SNX29: variants seen among roughly 807,000 people sequenced by gnomAD.
SNX29 encodes sorting nexin-29.
In SNX29, 78 loss-of-function variants were observed where a neutral mutation model predicts 102.1. That is an observed-to-expected ratio of 0.76 (90% CI 0.64 to 0.92). The LOEUF is 0.92. Among genes scored for constraint, SNX29 ranks in the 40% least tolerant of loss-of-function variants. SNX29 has a pLI of 0.00. For synonymous variants in SNX29, 580 were observed against 414.5 expected (o/e 1.40, Z -4.85); for missense variants, 1,280 against 1,061.7 (o/e 1.21, Z -2.86).
At position 12,191,261 on chromosome 16, in the gene SNX29, C is replaced by T. The variant is rs577298215; in HGVS notation, c.1596-8340C>T. On this transcript the variant is annotated intron_variant, in intron 13 of 20. Coordinates refer to ENST00000566228, the MANE Select transcript of SNX29 (RefSeq NM_032167.5). ...CTTGCTCACCGCTCACTCACCGCTC[C>T]ATCACCTCCTGCTGTGCGGCTTGGT... Among the ~76,000 whole-genome samples the T allele has an allele frequency of 1.6e-4, 25 of 152,268 alleles. No individual in the cohort carries two copies. The South Asian group carries it at 2.9e-3, about 18-fold the overall frequency.
At chr16:12,220,352 C>G (rs2077444742) in intron 14 of SNX29, among the ~76,000 whole-genome samples, 1 of 151,720 alleles carries the variant, frequency 6.6e-6, no homozygotes, top group Non-Finnish European at 1.5e-5. Context: ...GGGAGAGCAA[C>G]AGATTCACAG....
At position 12,146,035 on chromosome 16, in the gene SNX29, C is replaced by T. The variant is rs182355489; in HGVS notation, c.1595+16277C>T. On this transcript the variant is annotated intron_variant, in intron 13 of 20. Coordinates refer to ENST00000566228, the MANE Select transcript of SNX29 (RefSeq NM_032167.5). ...TCCAAGAAAGCGGCCTCTCTTTTAC[C>T]CCTACAGCGGTGAGTGAGAGAGCCT... is the stretch of plus-strand genomic sequence containing the variant. 3.9e-5 allele frequency among the ~76,000 whole-genome samples: 6 copies of T among 152,294 alleles called. 1 individual carries two copies. The highest frequency in any genetic ancestry group is 4.1e-4 in the South Asian group (2 of 4,824).
In SNX29 at chr16:12,485,307, T is replaced by C. The variant is rs570843114; in HGVS notation, c.2178+7448T>C. On this transcript the variant is annotated intron_variant, in intron 19 of 20. Coordinates refer to ENST00000566228, the MANE Select transcript of SNX29 (RefSeq NM_032167.5). Reference sequence around the variant, plus strand: ...GCTTAGGTAAAGGACTCGTTTTTGATGATGTTACTAAAGTCTGCATTATGG... The same window carrying C: ...GCTTAGGTAAAGGACTCGTTTTTGACGATGTTACTAAAGTCTGCATTATGG... 5.9e-4 allele frequency among the ~76,000 whole-genome samples: 90 copies of C among 152,154 alleles called. 5 individuals are homozygous for C. The highest frequency in any genetic ancestry group is 1.0e-4 in the Non-Finnish European group (7 of 68,020).
At chr16:12,368,294 G>A (rs191169796) in intron 16 of SNX29, among the ~76,000 whole-genome samples, 115 of 152,330 alleles carry the variant, frequency 7.5e-4, no homozygotes, top group Non-Finnish European at 1.5e-3. Context: ...GCTGGCAAAT[G>A]CAGTGTATGC....
chr16:12,354,626 T>C (rs2082079807), intron 15 of SNX29, among the ~76,000 whole-genome samples: 1 of 152,322 alleles, frequency 6.6e-6, no homozygotes, highest in Admixed American at 6.5e-5. Context: ...AGCAGTAATA[T>C]CGGCAGCTGT....
intron 20 of SNX29, among the ~76,000 whole-genome samples, chr16:12,547,428 C>G (rs1267650775): frequency 6.6e-6 from 1 of 152,026 alleles, no homozygotes; most frequent in African/African-American, 2.4e-5. Context: ...TGTGGGCACC[C>G]CGGGGAGAGG....
chr16:12,282,436 G>A (rs2079464861), intron 15 of SNX29, among the ~76,000 whole-genome samples: 1 of 152,200 alleles, frequency 6.6e-6, no homozygotes, highest in Non-Finnish European at 1.5e-5. Flanking sequence ...CAGAACAGCA[G>A]AGTGAGAGTT....
chr16:12,309,027 C>G (rs954574607), intron 15 of SNX29, among the ~76,000 whole-genome samples: 6 of 152,132 alleles, frequency 3.9e-5, no homozygotes, highest in Admixed American at 2.0e-4. Flanking sequence ...TTGAGAGAGG[C>G]AATGGAAAGG....
chr16:12,244,748 C>T (rs185539653), intron 14 of SNX29, among the ~76,000 whole-genome samples: 1 of 152,318 alleles, frequency 6.6e-6, no homozygotes, highest in Non-Finnish European at 1.5e-5. Flanking sequence ...TTGAGAAACA[C>T]TTCAGCATCT....
intron 14 of SNX29, among the ~76,000 whole-genome samples, 195 bp downstream of exon 14, chr16:12,199,878 T>C (rs1429145266): frequency 6.6e-6 from 1 of 152,240 alleles, no homozygotes; most frequent in Admixed American, 6.5e-5. Flanking sequence ...TAACTAGTAT[T>C]GTAAGACTCA....
At chr16:12,344,987 T>TGTG (rs1343739250) in intron 15 of SNX29, among the ~76,000 whole-genome samples, 1 of 152,376 alleles carries the variant, frequency 6.6e-6, no homozygotes, top group African/African-American at 2.4e-5. Context: ...ACACCCATTG[T>TGTG]GTGGCGCCAA....
intron 8 of SNX29, 85 bp downstream of exon 8, chr16:12,052,307 C>T (rs1263005223): frequency 5.4e-6 from 8 of 1,487,120 alleles, no homozygotes; most frequent in Non-Finnish European, 7.4e-6. Context: ...ACCTCCACCT[C>T]CCGGGTTCAA....
chr16:12,456,386 G>T (rs1242745627), intron 18 of SNX29, among the ~76,000 whole-genome samples: 1 of 152,140 alleles, frequency 6.6e-6, no homozygotes, highest in East Asian at 1.9e-4. Flanking sequence ...CACGATACTG[G>T]AAAAAACTAG....
chr16:12,010,731 A>C (rs2056620685), intron 3 of SNX29, among the ~76,000 whole-genome samples: 1 of 150,458 alleles, frequency 6.6e-6, no homozygotes, highest in South Asian at 2.1e-4. Context: ...GCATGCAGAA[A>C]AGAATGATTT....
chr16:12,558,968 G>A (rs550860773), intron 20 of SNX29, among the ~76,000 whole-genome samples: 2 of 152,242 alleles, frequency 1.3e-5, no homozygotes, highest in South Asian at 4.1e-4. Flanking sequence ...GGTAACAGAG[G>A]GATTCAGAGA....
chr16:12,285,030 TCA>T (rs1207278670), intron 15 of SNX29, among the ~76,000 whole-genome samples: 2 of 152,338 alleles, frequency 1.3e-5, no homozygotes, highest in East Asian at 3.9e-4. Context: ...GTGCCTGGCC[TCA>T]GTTACTTTTC....
intron 20 of SNX29, among the ~76,000 whole-genome samples, chr16:12,553,147 G>C (rs971664314): frequency 1.3e-5 from 2 of 152,200 alleles, no homozygotes; most frequent in African/African-American, 4.8e-5. Context: ...TCACAGCTCT[G>C]GGGTCCTTCC....
intron 13 of SNX29, among the ~76,000 whole-genome samples, chr16:12,136,473 A>T (rs1425496868): frequency 1.3e-5 from 2 of 152,216 alleles, no homozygotes; most frequent in Non-Finnish European, 2.9e-5. Context: ...AGCTTGGGTC[A>T]CCAGGGGATT....
chr16:12,522,862 A>G (rs1434366823), intron 19 of SNX29, among the ~76,000 whole-genome samples: 1 of 152,158 alleles, frequency 6.6e-6, no homozygotes, highest in African/African-American at 2.4e-5. Context: ...CCAGGGTGGA[A>G]TGCGGTGGTG....
Sources: gnomAD v4.1 joint callset for allele counts (sites outside exome capture counted in the v4.1 genomes callset) on GRCh38, gnomAD v4.1.1 for gene constraint, MANE v1.5 for transcripts, NCBI Gene and HGNC (gene_info 2026-07-23, HGNC 2026-07-21) for gene names.